The following LONP2 variants were observed in gnomAD, a reference collection of about 807,000 sequenced individuals.
LONP2 encodes the protein lon protease homolog 2, peroxisomal.
A neutral mutation model predicts 85.6 loss-of-function variants in LONP2; 60 were observed. The ratio of observed to expected loss-of-function variants is 0.70; its 90% confidence interval spans 0.57 to 0.87. The LOEUF (loss-of-function observed/expected upper bound fraction) is 0.87. Ranked by LOEUF, LONP2 falls within the 40% of genes least tolerant of loss-of-function variation. LONP2 has a pLI of 0.00. For missense variants in LONP2, 860 were observed against 1,063.5 expected, an observed-to-expected ratio of 0.81 and a Z score of 2.66; for synonymous variants, 395 against 389.7, an observed-to-expected ratio of 1.01 and a Z score of -0.16.
At chr16:48,256,776 G>A in intron 3 of LONP2, 35 bp downstream of exon 3, 1 of 1,605,092 alleles carries the variant, frequency 6.2e-7, no homozygotes, top group Non-Finnish European at 8.5e-7. Context: ...AGGTTGCTTT[G>A]TCACTTTTTA....
At chr16:48,337,218 G>C (rs1337756359) in intron 12 of LONP2, among the ~76,000 whole-genome samples, 1 of 152,200 alleles carries the variant, frequency 6.6e-6, no homozygotes, top group Admixed American at 6.5e-5. Flanking sequence ...ACAGTACCCT[G>C]TCAGGCCAAA....
intron 12 of LONP2, among the ~76,000 whole-genome samples, chr16:48,337,132 G>GT (rs1428588475): frequency 3.3e-5 from 5 of 152,226 alleles, no homozygotes; most frequent in Non-Finnish European, 5.9e-5. Flanking sequence ...ACAAATTCAC[G>GT]TAAGTGGCAG....
intron 10 of LONP2, 83 bp from the exon 11 acceptor site, chr16:48,303,089 T>C: frequency 6.7e-7 from 1 of 1,501,238 alleles, no homozygotes. Flanking sequence ...GTACACTGTT[T>C]TACCAAAAAT....
intron 11 of LONP2, among the ~76,000 whole-genome samples, chr16:48,305,557 A>ATTTTTAT (rs1463097766): frequency 6.6e-6 from 1 of 151,908 alleles, no homozygotes; most frequent in Non-Finnish European, 1.5e-5. Context: ...GCCTGGCTTT[A>ATTTTTAT]TTTTTATTTT....
At chr16:48,304,732 A>G (rs1019042991) in intron 11 of LONP2, among the ~76,000 whole-genome samples, 1 of 152,142 alleles carries the variant, frequency 6.6e-6, no homozygotes, top group African/African-American at 2.4e-5. Flanking sequence ...ATAAAATAAA[A>G]TGTTTTAATT....
chr16:48,256,147 A>G (rs983996915), intron 2 of LONP2, among the ~76,000 whole-genome samples: 1 of 152,194 alleles, frequency 6.6e-6, no homozygotes, highest in Non-Finnish European at 1.5e-5. Flanking sequence ...TTAAAGAATA[A>G]GGATCTCGAT....
chr16:48,272,952 GA>G (rs1972135491), intron 7 of LONP2, among the ~76,000 whole-genome samples: 1 of 152,166 alleles, frequency 6.6e-6, no homozygotes, highest in Admixed American at 6.6e-5. Flanking sequence ...GAGGAGGAGA[GA>G]AAGAACAACC....
intron 3 of LONP2, among the ~76,000 whole-genome samples, chr16:48,258,379 T>A (rs1490773256): frequency 6.6e-6 from 1 of 151,874 alleles, no homozygotes; most frequent in Non-Finnish European, 1.5e-5. Flanking sequence ...CCACACAGCT[T>A]CATTTTAAAG....
At position 48,351,810 on chromosome 16, in the gene LONP2, T is replaced by C. The variant is rs1960161191; in HGVS notation, c.*8T>C. On this transcript the variant is annotated 3_prime_UTR_variant, in exon 15 of 15. Coordinates refer to ENST00000285737, the MANE Select transcript of LONP2 (RefSeq NM_031490.5). Reference sequence around the variant, plus strand: ...TTAAATAGCAAACTGTAGGTCCAAATCTCAATTTTTTAGAATTTTAAGTTA... The same window carrying C: ...TTAAATAGCAAACTGTAGGTCCAAACCTCAATTTTTTAGAATTTTAAGTTA... 6.2e-7 allele frequency: 1 copy of C among 1,610,320 alleles called. No homozygotes were observed. The highest frequency in any genetic ancestry group is 1.1e-5 in the South Asian group (1 of 90,952).
chr16:48,358,659 CA>C (rs533411918), downstream of LONP2, among the ~76,000 whole-genome samples: 1 of 151,894 alleles, frequency 6.6e-6, no homozygotes, highest in Non-Finnish European at 1.5e-5. Flanking sequence ...CCCATCTCCA[CA>C]AAAAAATTTA....
chr16:48,264,954 T>G (rs1038075982), intron 6 of LONP2, among the ~76,000 whole-genome samples: 3 of 152,128 alleles, frequency 2.0e-5, no homozygotes, highest in Non-Finnish European at 4.4e-5. Flanking sequence ...ATGGTTTTTT[T>G]GTTTGTTTGT....
At chr16:48,277,057 A>G (rs1461560652) in intron 7 of LONP2, among the ~76,000 whole-genome samples, 2 of 152,172 alleles carry the variant, frequency 1.3e-5, no homozygotes, top group Non-Finnish European at 2.9e-5. Context: ...GTAACTGGTG[A>G]CTTAAGTGTC....
downstream of LONP2, chr16:48,360,401 A>AT (rs34852150): frequency 0.46 from 69,475 of 152,348 alleles, 19,427 homozygotes; most frequent in African/African-American, 0.79. Context: ...ATTTGCTGTG[A>AT]TTAGAGTTAA....
intron 8 of LONP2, among the ~76,000 whole-genome samples, chr16:48,290,121 G>A (rs1051574018): frequency 2.0e-5 from 3 of 151,982 alleles, no homozygotes; most frequent in African/African-American, 7.3e-5. Flanking sequence ...CTCTTCTTTA[G>A]TTATATTAAC....
intron 11 of LONP2, among the ~76,000 whole-genome samples, chr16:48,326,091 C>A (rs768367849): frequency 3.3e-5 from 5 of 152,194 alleles, no homozygotes; most frequent in Admixed American, 6.5e-5. Context: ...TAAGCTTCTG[C>A]CCAGCATTTA....
intron 14 of LONP2, among the ~76,000 whole-genome samples, chr16:48,349,673 G>A (rs756414552): frequency 9.9e-5 from 15 of 152,138 alleles, no homozygotes; most frequent in African/African-American, 2.9e-4. Flanking sequence ...GGACAAGACG[G>A]GGCTTTGGGA....
chr16:48,326,948 A>C (rs548021619), intron 11 of LONP2, among the ~76,000 whole-genome samples: 2 of 152,332 alleles, frequency 1.3e-5, no homozygotes, highest in African/African-American at 4.8e-5. Flanking sequence ...TGCTTAGGAA[A>C]AGCCTGGTCC....
chr16:48,335,993 A>T (rs1477770797), intron 12 of LONP2, among the ~76,000 whole-genome samples: 1 of 152,220 alleles, frequency 6.6e-6, no homozygotes, highest in African/African-American at 2.4e-5. Context: ...GGATCCAGTG[A>T]CATTGTGAGT....
At chr16:48,319,315 A>C (rs1304804524) in intron 11 of LONP2, among the ~76,000 whole-genome samples, 1 of 151,970 alleles carries the variant, frequency 6.6e-6, no homozygotes, top group African/African-American at 2.4e-5. Flanking sequence ...CAAGAGGTGG[A>C]GGTCGCAGTG....
Sources: gnomAD v4.1 joint callset for allele counts (sites outside exome capture counted in the v4.1 genomes callset) on GRCh38, gnomAD v4.1.1 for gene constraint, MANE v1.5 for transcripts, NCBI Gene and HGNC (gene_info 2026-07-23, HGNC 2026-07-21) for gene names.